AKAP6: variants seen among roughly 807,000 people sequenced by gnomAD.
The protein encoded by AKAP6 is A-kinase anchoring protein 6, also known as A-kinase anchor protein 6.
Under a neutral mutation model 188.5 loss-of-function variants are expected in AKAP6, and 58 were observed. That is an observed-to-expected ratio of 0.31 (90% CI 0.25 to 0.38). The LOEUF (loss-of-function observed/expected upper bound fraction) is 0.38. Among genes scored for constraint, AKAP6 ranks in the 10% least tolerant of loss-of-function variants. The pLI is 1.00. For missense variants in AKAP6, 2,710 were observed against 2,740.0 expected (o/e 0.99, Z 0.24); for synonymous variants, 989 against 998.6 (o/e 0.99, Z 0.18).
chr14:32,383,695 C>G (rs148530963), intron 1 of AKAP6, among the ~76,000 whole-genome samples: 1 of 152,252 alleles, frequency 6.6e-6, no homozygotes, highest in East Asian at 1.9e-4. Flanking sequence ...TTTGCTTTTC[C>G]TTGGTTGATC....
At chr14:32,824,912 C>T (rs566932477) in intron 13 of AKAP6, 97 bp downstream of exon 13, 120 of 913,688 alleles carry the variant, frequency 1.3e-4, no homozygotes, top group Non-Finnish European at 1.8e-4. Flanking sequence ...TGACCAGTTA[C>T]GGCAGACAGT....
intron 1 of AKAP6, among the ~76,000 whole-genome samples, chr14:32,425,174 A>G (rs118031383): frequency 0.023 from 3,471 of 152,218 alleles, 63 homozygotes; most frequent in Middle Eastern, 0.044. Flanking sequence ...TGACGTTTTA[A>G]TAATAGCCAT....
intron 7 of AKAP6, among the ~76,000 whole-genome samples, chr14:32,647,743 T>C (rs1028190037): frequency 2.0e-5 from 3 of 152,084 alleles, no homozygotes; most frequent in East Asian, 3.9e-4. Context: ...TTTGGAGCAA[T>C]TGAAACACAG....
Position 32,732,607 on chromosome 14 carries a change from G to T in AKAP6, c.3147+7G>T, listed in dbSNP as rs747611366. Reference sequence around the variant, plus strand: ...AAAATGGGAACTGCTTGGGGTATTTGCATTTTTATTACTGTTTGTAGGTTA... The same window carrying T: ...AAAATGGGAACTGCTTGGGGTATTTTCATTTTTATTACTGTTTGTAGGTTA... On this transcript the variant is annotated splice_region_variant and intron_variant, in intron 10 of 13. Transcript: ENST00000280979. The T allele has an allele frequency of 6.2e-7, 1 of 1,613,024 alleles. No individual in the cohort carries two copies. The highest frequency in any genetic ancestry group is 8.5e-7 in the Non-Finnish European group (1 of 1,179,560).
intron 1 of AKAP6, among the ~76,000 whole-genome samples, chr14:32,412,575 A>G (rs1220104908): frequency 6.6e-6 from 1 of 152,206 alleles, no homozygotes; most frequent in Non-Finnish European, 1.5e-5. Flanking sequence ...TATGCATTCT[A>G]TGAAGGGACT....
intron 2 of AKAP6, 30 bp downstream of exon 2, chr14:32,433,847 TAGA>T (rs1330685996): frequency 6.3e-7 from 1 of 1,584,552 alleles, no homozygotes. Flanking sequence ...CCTCTCAGGA[TAGA>T]AGTTTTCAAA....
intron 2 of AKAP6, among the ~76,000 whole-genome samples, chr14:32,445,322 T>C (rs1251637948): frequency 2.6e-5 from 4 of 152,140 alleles, no homozygotes; most frequent in African/African-American, 9.7e-5. Context: ...GTCATCTGCT[T>C]GGTTAAACCA....
chr14:32,673,748 T>C (rs1288054699), intron 7 of AKAP6, among the ~76,000 whole-genome samples: 1 of 151,970 alleles, frequency 6.6e-6, no homozygotes, highest in Non-Finnish European at 1.5e-5. Flanking sequence ...ATAATAATAA[T>C]AAATGGATGA....
At chr14:32,826,183 A>T (rs1445014892) in intron 13 of AKAP6, among the ~76,000 whole-genome samples, 3 of 152,126 alleles carry the variant, frequency 2.0e-5, no homozygotes, top group African/African-American at 4.8e-5. Context: ...GGGCATCTAT[A>T]CCATATATAC....
intron 9 of AKAP6, among the ~76,000 whole-genome samples, chr14:32,697,157 C>G (rs1890437737): frequency 1.3e-5 from 2 of 152,112 alleles, no homozygotes; most frequent in Non-Finnish European, 2.9e-5. Flanking sequence ...AATTACCGTT[C>G]TTTAATAAAT....
chr14:32,800,153 CATATATAT>C (rs145137650), intron 12 of AKAP6, among the ~76,000 whole-genome samples: 1 of 117,672 alleles, frequency 8.5e-6, no homozygotes, highest in Non-Finnish European at 1.8e-5. Flanking sequence ...CACATATATA[CATATATAT>C]ACACATATAT....
chr14:32,507,058 TG>T (rs952237917), intron 2 of AKAP6, among the ~76,000 whole-genome samples: 1 of 152,192 alleles, frequency 6.6e-6, no homozygotes, highest in Non-Finnish European at 1.5e-5. Context: ...AGAGGGTTTT[TG>T]TTTGTTGGCT....
At chr14:32,354,173 A>G (rs1887397745) in intron 1 of AKAP6, among the ~76,000 whole-genome samples, 1 of 152,094 alleles carries the variant, frequency 6.6e-6, no homozygotes, top group Admixed American at 6.5e-5. Context: ...CCAAAAGAAC[A>G]AAGCTGGAGG....
At chr14:32,773,337 T>G (rs1037052401) in intron 11 of AKAP6, among the ~76,000 whole-genome samples, 12 of 152,204 alleles carry the variant, frequency 7.9e-5, no homozygotes, top group Admixed American at 3.9e-4. Flanking sequence ...CCTTCGACCT[T>G]ATGTCAAAGC....
At chr14:32,749,156 C>G (rs1275049436) in intron 11 of AKAP6, among the ~76,000 whole-genome samples, 1 of 152,142 alleles carries the variant, frequency 6.6e-6, no homozygotes, top group Non-Finnish European at 1.5e-5. Context: ...GGACTTTCAG[C>G]TGTGTAATCT....
intron 7 of AKAP6, among the ~76,000 whole-genome samples, chr14:32,667,186 G>A (rs910965179): frequency 2.0e-5 from 3 of 152,186 alleles, no homozygotes; most frequent in African/African-American, 7.2e-5. Context: ...CTAAAATGGA[G>A]TGTTTAACTT....
intron 1 of AKAP6, among the ~76,000 whole-genome samples, chr14:32,338,853 A>T (rs1886800092): frequency 6.6e-6 from 1 of 152,292 alleles, no homozygotes; most frequent in African/African-American, 2.4e-5. Flanking sequence ...ATTGTTTCAC[A>T]TACTTAGAAG....
intron 7 of AKAP6, among the ~76,000 whole-genome samples, chr14:32,634,654 G>T (rs1301999713): frequency 6.6e-6 from 1 of 151,890 alleles, no homozygotes; most frequent in Non-Finnish European, 1.5e-5. Flanking sequence ...TATTTTTTTG[G>T]AGGGGTGGTG....
chr14:32,797,279 A>G (rs1286832161), intron 12 of AKAP6, among the ~76,000 whole-genome samples: 3 of 152,162 alleles, frequency 2.0e-5, no homozygotes, highest in Admixed American at 6.6e-5. Flanking sequence ...ATTACTGTGT[A>G]TATACCCAAA....
Sources: gnomAD v4.1 joint callset for allele counts (sites outside exome capture counted in the v4.1 genomes callset) on GRCh38, gnomAD v4.1.1 for gene constraint, MANE v1.5 for transcripts, NCBI Gene and HGNC (gene_info 2026-07-23, HGNC 2026-07-21) for gene names.